The following STPG2 variants were observed in gnomAD, a reference collection of about 807,000 sequenced individuals.
STPG2 encodes sperm tail PG-rich repeat containing 2, also known as sperm-tail PG-rich repeat-containing protein 2.
Under a neutral mutation model 54.2 loss-of-function variants are expected in STPG2, and 56 were observed. The observed-to-expected ratio is 1.03, with a 90% CI of 0.83 to 1.29. The LOEUF is 1.29. Ranked by LOEUF, STPG2 falls within the 50% of genes most tolerant of loss-of-function variation. The probability of loss-of-function intolerance (pLI) is 0.00; values close to 1 mark genes in which losing one functional copy is unlikely to be tolerated. For missense variants in STPG2, 596 were observed against 544.9 expected (o/e 1.09, Z -0.93); for synonymous variants, 200 against 181.8 (o/e 1.10, Z -0.81).
At chr4:97,607,723 T>C (rs1275024035) in intron 10 of STPG2, among the ~76,000 whole-genome samples, 1 of 152,048 alleles carries the variant, frequency 6.6e-6, no homozygotes, top group Non-Finnish European at 1.5e-5. Context: ...TCAGAAGAGA[T>C]GGAAAACCGT....
intron 7 of STPG2, among the ~76,000 whole-genome samples, chr4:97,952,889 C>T (rs1341183596): frequency 6.6e-6 from 1 of 152,122 alleles, no homozygotes; most frequent in Non-Finnish European, 1.5e-5. Context: ...TGTTGTTCTA[C>T]TTGGAGATAC....
chr4:98,061,864 C>G (rs1032119493), intron 5 of STPG2, among the ~76,000 whole-genome samples: 5 of 152,218 alleles, frequency 3.3e-5, no homozygotes, highest in Non-Finnish European at 5.9e-5. Context: ...TAAATTAGTT[C>G]AAACACTATG....
intron 9 of STPG2, among the ~76,000 whole-genome samples, chr4:97,725,208 C>T (rs1434092258): frequency 6.6e-6 from 1 of 151,972 alleles, no homozygotes; most frequent in Non-Finnish European, 1.5e-5. Context: ...TCCAATAATA[C>T]ATACATCCCT....
At chr4:98,001,674 A>G (rs988401764) in intron 5 of STPG2, among the ~76,000 whole-genome samples, 2 of 152,168 alleles carry the variant, frequency 1.3e-5, no homozygotes, top group African/African-American at 4.8e-5. Flanking sequence ...AGGCAGGCAA[A>G]TAAGTGCTAA....
At chr4:97,532,115 T>C (rs1422088003) in intron 4 of STPG2, among the ~76,000 whole-genome samples, 4 of 152,188 alleles carry the variant, frequency 2.6e-5, no homozygotes, top group Non-Finnish European at 5.9e-5. Context: ...AATAATTTTG[T>C]ATGTAATGTT....
intron 10 of STPG2, among the ~76,000 whole-genome samples, chr4:97,656,575 T>A (rs74762115): frequency 2.8e-4 from 42 of 151,994 alleles, no homozygotes; most frequent in African/African-American, 1.0e-3. Flanking sequence ...AGCATGGTCT[T>A]CACAAAAGTT....
rs559695029 is a variant in STPG2, at chr4:97,820,905, A to G, written c.1204+19868T>C. Among the ~76,000 whole-genome samples the G allele has an allele frequency of 7.2e-5, 11 of 152,058 alleles. No homozygotes were observed. In the South Asian group the frequency reaches 2.1e-3, roughly 29 times the overall value. ...ACTCAAACACTTCCCACCAGGCCCC[A>G]CCTCCAAAATAAGATTTGGAGGGTA... is the stretch of plus-strand genomic sequence containing the variant. On this transcript the variant is annotated intron_variant, in intron 9 of 10. Transcript: ENST00000295268.
At chr4:97,911,909 A>T (rs1226345154) in intron 8 of STPG2, among the ~76,000 whole-genome samples, 3 of 152,146 alleles carry the variant, frequency 2.0e-5, no homozygotes, top group African/African-American at 4.8e-5. Context: ...AAGAGTCTCC[A>T]GACACCTCCT....
At chr4:97,884,234 C>T (rs1384821801) in intron 8 of STPG2, among the ~76,000 whole-genome samples, 3 of 152,124 alleles carry the variant, frequency 2.0e-5, no homozygotes, top group Non-Finnish European at 4.4e-5. Flanking sequence ...ATAAACTCTT[C>T]AAAACAAACA....
At chr4:97,748,123 T>G (rs1244079828) in intron 9 of STPG2, among the ~76,000 whole-genome samples, 1 of 151,412 alleles carries the variant, frequency 6.6e-6, no homozygotes, top group Non-Finnish European at 1.5e-5. Context: ...AGGACATAAT[T>G]CAATCCTCTG....
intron 8 of STPG2, among the ~76,000 whole-genome samples, chr4:97,887,459 G>A (rs2149171261): frequency 6.6e-6 from 1 of 152,184 alleles, no homozygotes; most frequent in South Asian, 2.1e-4. Context: ...CTTCCCTAGG[G>A]ATCTATAGAA....
intron 3 of STPG2, among the ~76,000 whole-genome samples, chr4:98,125,121 C>T (rs1285975149): frequency 2.6e-5 from 4 of 152,168 alleles, no homozygotes; most frequent in African/African-American, 9.7e-5. Context: ...GTAGAACATG[C>T]TCCTTTCGTT....
intron 4 of STPG2, among the ~76,000 whole-genome samples, chr4:97,460,568 C>A (rs780285122): frequency 1.3e-5 from 2 of 151,986 alleles, no homozygotes; most frequent in African/African-American, 4.8e-5. Context: ...GCATGTTTAA[C>A]CTTCTTAAAC....
chr4:97,690,569 G>C (rs11933335), intron 10 of STPG2, among the ~76,000 whole-genome samples: 6 of 151,976 alleles, frequency 3.9e-5, no homozygotes, highest in Admixed American at 6.6e-5. Flanking sequence ...AACCAGTACT[G>C]AGAAAAGCAA....
In STPG2 at chr4:97,841,358, A is replaced by G. The variant is rs559196296; in HGVS notation, c.1045-426T>C. The stretch of plus-strand genomic sequence containing the variant: ...AATGAGACTGCTTATTTCATCTTTA[A>G]TAGATTACAATTAAGTTAGAAGGCT... On this transcript the variant is annotated intron_variant, in intron 8 of 10. Coordinates refer to ENST00000295268, the MANE Select transcript of STPG2 (RefSeq NM_174952.3). Among the ~76,000 whole-genome samples the G allele has an allele frequency of 2.0e-5, 3 of 151,828 alleles. No homozygotes were observed. In the South Asian group the frequency reaches 6.2e-4, roughly 31 times the overall value.
chr4:97,865,436 C>A (rs1560561993), intron 8 of STPG2, among the ~76,000 whole-genome samples: 1 of 152,138 alleles, frequency 6.6e-6, no homozygotes, highest in African/African-American at 2.4e-5. Context: ...AGTCAGGAAA[C>A]AACAGGTGCT....
intron 8 of STPG2, among the ~76,000 whole-genome samples, chr4:97,934,063 TA>T (rs1329215396): frequency 6.6e-6 from 1 of 152,188 alleles, no homozygotes; most frequent in African/African-American, 2.4e-5. Flanking sequence ...GTAGTTCTCC[TA>T]AAGAGGTCCT....
intron 4 of STPG2, among the ~76,000 whole-genome samples, chr4:97,545,097 C>G (rs1731806202): frequency 6.6e-6 from 1 of 151,964 alleles, no homozygotes; most frequent in Non-Finnish European, 1.5e-5. Context: ...TAAAAAACAC[C>G]CAAGTGATGC....
chr4:97,452,808 A>G (rs1295741521), intron 4 of STPG2, among the ~76,000 whole-genome samples: 3 of 151,940 alleles, frequency 2.0e-5, no homozygotes, highest in Non-Finnish European at 2.9e-5. Flanking sequence ...GGAACTTCCC[A>G]CTCCAGGGTC....
Sources: allele counts gnomAD v4.1 joint callset (sites outside exome capture counted in the v4.1 genomes callset), GRCh38; gene constraint gnomAD v4.1.1; transcripts MANE v1.5; gene names NCBI Gene and HGNC (gene_info 2026-07-23, HGNC 2026-07-21).